The following WARS2 variants were observed in gnomAD, a reference collection of about 807,000 sequenced individuals.
WARS2 encodes tryptophanyl tRNA synthetase 2, mitochondrial.
Under a neutral mutation model 36.5 loss-of-function variants are expected in WARS2, and 28 were observed. The ratio of observed to expected loss-of-function variants is 0.77; its 90% CI spans 0.57 to 1.05. WARS2 has a LOEUF of 1.05. Among genes scored for constraint, WARS2 ranks in the 50% least tolerant of loss-of-function variants. WARS2 has a pLI of 0.00. For synonymous variants in WARS2, 174 were observed against 178.4 expected (o/e 0.98, Z 0.20); for missense variants, 435 against 456.8 (o/e 0.95, Z 0.44).
intron 1 of WARS2, among the ~76,000 whole-genome samples, chr1:119,120,563 C>A (rs1241880042): frequency 6.6e-6 from 1 of 151,948 alleles, no homozygotes; most frequent in Non-Finnish European, 1.5e-5. Context: ...AACATCATTA[C>A]CCTAATACCA....
At chr1:119,086,087 T>G in intron 1 of WARS2, 5 of 945,540 alleles carry the variant, frequency 5.3e-6, no homozygotes, top group Non-Finnish European at 7.8e-6. Context: ...CTCAAACTCC[T>G]AGCCTTAAGT....
chr1:119,048,124 T>C (rs1019587614), intron 2 of WARS2, among the ~76,000 whole-genome samples: 2 of 152,126 alleles, frequency 1.3e-5, no homozygotes, highest in Non-Finnish European at 2.9e-5. Flanking sequence ...AGGGGAGTGA[T>C]TGGGATGAAA....
chr1:119,068,932 G>A (rs1275059549), intron 2 of WARS2, among the ~76,000 whole-genome samples: 1 of 152,054 alleles, frequency 6.6e-6, no homozygotes, highest in African/African-American at 2.4e-5. Context: ...TATTTTAGGG[G>A]AAGCACATGA....
chr1:119,113,751 C>A (rs968099351), intron 1 of WARS2, among the ~76,000 whole-genome samples: 3 of 152,076 alleles, frequency 2.0e-5, no homozygotes, highest in Admixed American at 1.3e-4. Context: ...TTGGCTCTTT[C>A]CAACACCCTA....
chr1:119,131,898 G>T (rs879596755), intron 1 of WARS2, among the ~76,000 whole-genome samples: 1 of 151,998 alleles, frequency 6.6e-6, no homozygotes, highest in African/African-American at 2.4e-5. Context: ...TCTAGGGGGT[G>T]TGGTGGGGGG....
At chr1:119,078,704 A>G (rs1414606646) in intron 1 of WARS2, among the ~76,000 whole-genome samples, 1 of 152,186 alleles carries the variant, frequency 6.6e-6, no homozygotes, top group Non-Finnish European at 1.5e-5. Context: ...CAGAATCTGT[A>G]CATATTCTAG....
At chr1:119,063,085 A>G (rs532235096) in intron 2 of WARS2, 1 of 152,520 alleles carries the variant, frequency 6.6e-6, no homozygotes, top group African/African-American at 2.4e-5. Flanking sequence ...GCTGATAGTG[A>G]TATGGACAAT....
intron 1 of WARS2, among the ~76,000 whole-genome samples, chr1:119,130,180 T>C (rs905917477): frequency 6.6e-6 from 1 of 151,968 alleles, no homozygotes; most frequent in Non-Finnish European, 1.5e-5. Context: ...ATAAATGAGC[T>C]TTTTATTTCC....
intron 1 of WARS2, among the ~76,000 whole-genome samples, chr1:119,106,461 G>A (rs1330328020): frequency 6.6e-6 from 1 of 152,114 alleles, no homozygotes; most frequent in African/African-American, 2.4e-5. Flanking sequence ...TCTGTGCTGT[G>A]GCTATTCATC....
chr1:119,042,052 T>A (rs1648411185), intron 4 of WARS2, among the ~76,000 whole-genome samples: 1 of 152,198 alleles, frequency 6.6e-6, no homozygotes, highest in South Asian at 2.1e-4. Context: ...TATTAGTTTC[T>A]CACAGAAACA....
At chr1:119,101,093 G>A (rs1386018687) in intron 1 of WARS2, among the ~76,000 whole-genome samples, 6 of 152,082 alleles carry the variant, frequency 3.9e-5, no homozygotes, top group Non-Finnish European at 8.8e-5. Context: ...GAAGAGAAGT[G>A]GGTTGAAGGG....
chr1:119,135,689 A>C (rs1656432819), intron 1 of WARS2, among the ~76,000 whole-genome samples: 1 of 152,140 alleles, frequency 6.6e-6, no homozygotes, highest in Non-Finnish European at 1.5e-5. Flanking sequence ...AAGACATGGA[A>C]TATAGAGATA....
At chr1:119,136,912 A>G (rs1656549809) in intron 1 of WARS2, among the ~76,000 whole-genome samples, 1 of 152,220 alleles carries the variant, frequency 6.6e-6, no homozygotes, top group African/African-American at 2.4e-5. Flanking sequence ...ATTCTTGCCA[A>G]AAATCCATAA....
At chr1:119,094,464 A>T (rs1270085196) in intron 1 of WARS2, among the ~76,000 whole-genome samples, 1 of 151,542 alleles carries the variant, frequency 6.6e-6, no homozygotes, top group Non-Finnish European at 1.5e-5. Flanking sequence ...TTTTTTTTTT[A>T]AATAAGCAGT....
At chr1:119,125,285 C>T (rs934156746) in intron 1 of WARS2, among the ~76,000 whole-genome samples, 1 of 152,090 alleles carries the variant, frequency 6.6e-6, no homozygotes, top group Admixed American at 6.6e-5. Context: ...TAAAAGTCAC[C>T]TTCTTGGGGT....
chr1:119,055,796 A>T (rs1649739593), intron 2 of WARS2, among the ~76,000 whole-genome samples: 1 of 152,048 alleles, frequency 6.6e-6, no homozygotes, highest in Non-Finnish European at 1.5e-5. Context: ...AAAGAAAGAA[A>T]ATCTGAAGGG....
At chr1:119,084,928 A>T (rs1652508850) in intron 1 of WARS2, 1 of 361,854 alleles carries the variant, frequency 2.8e-6, no homozygotes, top group South Asian at 3.3e-5. Flanking sequence ...AAATAGTAAC[A>T]ATCCAACTGA....
In WARS2 at chr1:119,140,297, C is replaced by A. The variant is rs370051031; in HGVS notation, c.90+258G>T. 9.2e-5 allele frequency: 33 copies of A among 359,472 alleles called. No homozygotes were observed. The East Asian group carries it at 1.2e-3, about 13-fold the overall frequency. The allele number at this position is 359,472 out of a possible 1,614,324, so 22.3% of individuals were successfully genotyped here. On this transcript the variant is annotated intron_variant, in intron 1 of 5. Transcript: ENST00000235521. ...TTGCCCGGCAACAGCGGCGGCGCTC[C>A]GCTCCCAGAACTGGAGGTGGCGGCA...
intron 1 of WARS2, among the ~76,000 whole-genome samples, chr1:119,107,861 T>C (rs1654353882): frequency 6.6e-6 from 1 of 152,072 alleles, no homozygotes; most frequent in Non-Finnish European, 1.5e-5. Context: ...CTTCCATTCC[T>C]GGTTTACTGA....
Sources: gnomAD v4.1 joint callset for allele counts (sites outside exome capture counted in the v4.1 genomes callset) on GRCh38, gnomAD v4.1.1 for gene constraint, MANE v1.5 for transcripts, NCBI Gene and HGNC (gene_info 2026-07-23, HGNC 2026-07-21) for gene names.